Variants in FAP observed in about 807,000 individuals in gnomAD.
The protein encoded by FAP is prolyl endopeptidase FAP.
Under a neutral mutation model 126.5 loss-of-function variants are expected in FAP, and 110 were observed. The observed-to-expected ratio is 0.87, with a 90% CI of 0.74 to 1.02. The LOEUF is 1.02. Among genes scored for constraint, FAP ranks in the 50% least tolerant of loss-of-function variants. The pLI is 0.00. For synonymous variants in FAP, 334 were observed against 297.3 expected, an observed-to-expected ratio of 1.12 and a Z score of -1.27; for missense variants, 919 against 909.2, an observed-to-expected ratio of 1.01 and a Z score of -0.14.
intron 14 of FAP, 127 bp downstream of exon 14, chr2:162,202,745 A>ACC: frequency 1.6e-6 from 1 of 628,828 alleles, no homozygotes; most frequent in Non-Finnish European, 2.7e-6. Flanking sequence ...TCGTAAATGA[A>ACC]CTCACAACTG....
At chr2:162,178,973 C>T (rs1331008094) in intron 21 of FAP, among the ~76,000 whole-genome samples, 3 of 152,148 alleles carry the variant, frequency 2.0e-5, no homozygotes. Flanking sequence ...TGCTACTTCA[C>T]TGACTAATTC....
chr2:162,233,283 G>A (rs1689974548), intron 2 of FAP, among the ~76,000 whole-genome samples: 1 of 151,944 alleles, frequency 6.6e-6, no homozygotes, highest in African/African-American at 2.4e-5. Flanking sequence ...ATTTTGGTGT[G>A]ATCCTTGACC....
intron 11 of FAP, among the ~76,000 whole-genome samples, chr2:162,212,904 T>C (rs1038193408): frequency 1.3e-5 from 2 of 152,232 alleles, no homozygotes; most frequent in Non-Finnish European, 2.9e-5. Flanking sequence ...CAACAGATTA[T>C]GTTTGAGTTT....
intron 5 of FAP, 43 bp downstream of exon 5, chr2:162,224,423 G>C (rs756885000): frequency 1.7e-6 from 2 of 1,174,612 alleles, no homozygotes; most frequent in Non-Finnish European, 2.5e-6. Context: ...TTGTGGATTA[G>C]TAGGAGATAC....
At position 162,198,167 on chromosome 2, in the gene FAP, T is replaced by G. The variant is rs145462073; in HGVS notation, c.1402+590A>C. The G allele has an allele frequency of 2.5e-4, 319 of 1,285,972 alleles. 1 individual carries two copies. In the East Asian group the frequency reaches 0.011, roughly 45 times the overall value. The allele number at this position is 1,285,972 out of a possible 1,614,324, so 79.7% of individuals were successfully genotyped here. A position where few individuals can be genotyped will look rare whatever the true frequency, so the allele number is the denominator to read the frequency against. ...ATTACTTATGGTTTGTTATATTTGA[T>G]GCATTACTTACGATGTTTTCCAAAT... is the stretch of plus-strand genomic sequence containing the variant. On this transcript the variant is annotated intron_variant, in intron 16 of 25. Coordinates refer to ENST00000188790, the MANE Select transcript of FAP (RefSeq NM_004460.5).
intron 17 of FAP, among the ~76,000 whole-genome samples, chr2:162,191,630 T>C (rs931665441): frequency 9.2e-5 from 14 of 152,114 alleles, no homozygotes; most frequent in African/African-American, 3.4e-4. Flanking sequence ...CAATGATGGA[T>C]CTTATACTTG....
chr2:162,203,477 C>T (rs182263508), intron 12 of FAP, among the ~76,000 whole-genome samples: 12 of 152,316 alleles, frequency 7.9e-5, no homozygotes, highest in South Asian at 4.1e-4. Flanking sequence ...TGATATTTAA[C>T]GAAACCAAAC....
In FAP at chr2:162,198,738, T is replaced by A. The variant is rs1202646009; in HGVS notation, c.1402+19A>T. The A allele has an allele frequency of 1.2e-6, 2 of 1,613,730 alleles. No homozygotes were observed. The highest frequency in any genetic ancestry group is 1.7e-6 in the Non-Finnish European group (2 of 1,179,760). On this transcript the variant is annotated intron_variant, in intron 16 of 25. Transcript: ENST00000188790. ...CATGCCTGTGGGGATGCTGTGCTTA[T>A]GTGAGGTCCGTTACCTACCGTAGCA...
Position 162,189,757 on chromosome 2 carries a change from G to GA in FAP, c.1451-4dup, listed in dbSNP as rs756859700. The GA allele has an allele frequency of 6.7e-7, 1 of 1,500,584 alleles. No homozygotes were observed. The highest frequency in any genetic ancestry group is 9.2e-7 in the Non-Finnish European group (1 of 1,091,922). 93.0% of individuals were successfully genotyped at this position (1,500,584 alleles called of 1,614,324 possible). ...GTTTTCTTCCAGGATTTTAATTTCT[G>GA]AAAAATGTTAAATGTTCATTTTTAA... On this transcript the variant is annotated splice_region_variant and splice_polypyrimidine_tract_variant and intron_variant, in intron 17 of 25. Coordinates refer to ENST00000188790, the MANE Select transcript of FAP (RefSeq NM_004460.5).
intron 21 of FAP, among the ~76,000 whole-genome samples, chr2:162,181,893 A>G (rs1687705563): frequency 6.6e-6 from 1 of 152,370 alleles, no homozygotes; most frequent in Admixed American, 6.5e-5. Flanking sequence ...AACCCAGTAT[A>G]GTATTAATGT....
chr2:162,240,802 T>A (rs1690316887), intron 2 of FAP, among the ~76,000 whole-genome samples: 1 of 152,202 alleles, frequency 6.6e-6, no homozygotes, highest in Non-Finnish European at 1.5e-5. Flanking sequence ...CTGTTCTTTT[T>A]ACCCCTTCCT....
At chr2:162,193,627 A>T (rs1233850527) in intron 17 of FAP, 1 of 152,212 alleles carries the variant, frequency 6.6e-6, no homozygotes, top group Non-Finnish European at 1.5e-5. Flanking sequence ...TGAGATGGTC[A>T]AATTAAGAAA....
Position 162,224,491 on chromosome 2 carries a change from A to G in FAP, c.335T>C (p.Val112Ala), listed in dbSNP as rs768018503. The part of the protein sequence containing the change: ...NYGLSPDRQF[V>A]YLESDYSKLW... The stretch of plus-strand genomic sequence containing the variant: ...CTTTGAATAATCACTTTCTAGATAT[A>G]CAAATTGCCGATCAGGTGATAAGCC... Residue 112 changes from valine (V) to alanine (A), a missense_variant, in exon 5 of 26, where the codon GTA (valine) becomes GCA (alanine). By Grantham distance (64) the Val-to-Ala change is moderately conservative. Transcript: ENST00000188790. The G allele has an allele frequency of 2.4e-5, 38 of 1,597,340 alleles. No individual in the cohort carries two copies. Among genetic ancestry groups the G allele is most frequent in the Non-Finnish European group, 3.0e-5 (35 of 1,173,418 alleles).
At chr2:162,219,028 T>TAA (rs763757680) in intron 8 of FAP, 35 bp downstream of exon 8, 1 of 1,526,700 alleles carries the variant, frequency 6.6e-7, no homozygotes, top group African/African-American at 1.4e-5. Context: ...ATTAAAAGCC[T>TAA]AAAGCATTAG....
chr2:162,237,733 G>C (rs1238813990), intron 2 of FAP, among the ~76,000 whole-genome samples: 1 of 152,130 alleles, frequency 6.6e-6, no homozygotes, highest in Admixed American at 6.5e-5. Flanking sequence ...GGGATGGCTG[G>C]GTCAAATGGT....
chr2:162,219,061 A>C lies in FAP; in HGVS notation c.607+2T>G. 6.3e-7 allele frequency: 1 copy of C among 1,597,870 alleles called. No individual in the cohort carries two copies. Among genetic ancestry groups the C allele is most frequent in the Non-Finnish European group, 8.5e-7 (1 of 1,171,852 alleles). On this transcript the variant is annotated splice_donor_variant, in intron 8 of 25. Transcript: ENST00000188790. LOFTEE classifies it high-confidence loss of function. The stretch of plus-strand genomic sequence containing the variant: ...TAGCAGTAGAAAAGGAATACAGCTT[A>C]CCTTCATAAACCCAGTCTGGGATTC...
chr2:162,202,016 C>T lies in FAP; in HGVS notation c.1223+856G>A, dbSNP rs114388073. Among the ~76,000 whole-genome samples, 552 of 152,252 alleles carry T rather than the reference C, an allele frequency of 3.6e-3. 3 individuals are homozygous for T. The highest frequency in any genetic ancestry group is 0.012 in the African/African-American group (510 of 41,540). ...CTCCATTCAAAGAATTCCAAAGATT[C>T]GTAATAGATTTCCGACAGGCTTTTA... On this transcript the variant is annotated intron_variant, in intron 14 of 25. Coordinates refer to ENST00000188790, the MANE Select transcript of FAP (RefSeq NM_004460.5).
At chr2:162,204,140 A>T (rs2106250517) in intron 12 of FAP, among the ~76,000 whole-genome samples, 1 of 152,292 alleles carries the variant, frequency 6.6e-6, no homozygotes, top group South Asian at 2.1e-4. Context: ...AGCTACTAGT[A>T]TCTTTTAGCT....
intron 12 of FAP, among the ~76,000 whole-genome samples, chr2:162,208,456 A>C (rs1373184218): frequency 6.6e-6 from 1 of 152,208 alleles, no homozygotes; most frequent in African/African-American, 2.4e-5. Context: ...ATAAATGTTT[A>C]TAGATGCTCA....
Sources: allele counts gnomAD v4.1 joint callset (sites outside exome capture counted in the v4.1 genomes callset), GRCh38; gene constraint gnomAD v4.1.1; transcripts MANE v1.5; gene names NCBI Gene and HGNC (gene_info 2026-07-23, HGNC 2026-07-21).